Variants in ASIC2 observed in about 807,000 individuals in gnomAD.
ASIC2 encodes the protein acid sensing ion channel subunit 2.
In ASIC2, 25 loss-of-function variants were observed where a neutral mutation model predicts 57.3. That is an observed-to-expected ratio of 0.44 (90% confidence interval 0.32 to 0.61). The LOEUF is 0.61. Ranked by LOEUF, ASIC2 falls within the 20% of genes least tolerant of loss-of-function variation. ASIC2 has a pLI of 0.06. For synonymous variants in ASIC2, 319 were observed against 307.5 expected (o/e 1.04, Z -0.39); for missense variants, 641 against 738.1 (o/e 0.87, Z 1.52).
rs79967419 is a variant in ASIC2, at chr17:33,805,833, G to A, written c.555+350145C>T. Among the ~76,000 whole-genome samples, 305 of 152,226 alleles carry A rather than the reference G, an allele frequency of 2.0e-3. 2 individuals carry two copies. The highest frequency in any genetic ancestry group is 2.0e-3 in the Non-Finnish European group (134 of 68,014). ...GCCCACCAAAGCCATTTTTCAGAAT[G>A]TTACACACACAACATCCCTTGGAGC... On this transcript the variant is annotated intron_variant, in intron 1 of 9. Transcript: ENST00000359872.
At chr17:33,490,898 G>A (rs1180019232) in intron 1 of ASIC2, among the ~76,000 whole-genome samples, 1 of 152,132 alleles carries the variant, frequency 6.6e-6, no homozygotes, top group Non-Finnish European at 1.5e-5. Context: ...TGTTTGTCTT[G>A]GTCCTATTTT....
intron 1 of ASIC2, among the ~76,000 whole-genome samples, chr17:33,448,731 C>A (rs191021303): frequency 2.0e-3 from 306 of 152,326 alleles, no homozygotes; most frequent in African/African-American, 6.6e-3. Flanking sequence ...TACTATATTT[C>A]TGTTGTTTAA....
rs116187504 is a variant in ASIC2, at chr17:33,442,495, T to C, written c.556-330428A>G. On this transcript the variant is annotated intron_variant, in intron 1 of 9. Coordinates refer to the ASIC2 transcript ENST00000359872. ...TTTGCATGTCTTTTGTTAAATTTAT[T>C]CTTAAGTATTTTACTCTTTTTGATG... 2.8e-3 allele frequency among the ~76,000 whole-genome samples: 422 copies of C among 152,334 alleles called. 1 individual carries two copies. Among genetic ancestry groups the C allele is most frequent in the African/African-American group, 9.7e-3 (405 of 41,588 alleles).
chr17:33,744,711 G>T (rs1310684425), intron 1 of ASIC2, among the ~76,000 whole-genome samples: 1 of 152,164 alleles, frequency 6.6e-6, no homozygotes, highest in African/African-American at 2.4e-5. Context: ...CAACAAAACT[G>T]CCTGTGAAGG....
At chr17:33,113,638 CTTTACGGCTAG>C (rs1332175158) in intron 1 of ASIC2, among the ~76,000 whole-genome samples, 1 of 152,206 alleles carries the variant, frequency 6.6e-6, no homozygotes, top group Non-Finnish European at 1.5e-5. Context: ...TTATGTAAAT[CTTTACGGCTAG>C]TTAGAAGAAA....
intron 1 of ASIC2, among the ~76,000 whole-genome samples, chr17:33,568,962 G>A: frequency 6.6e-6 from 1 of 152,290 alleles, no homozygotes; most frequent in Middle Eastern, 3.4e-3. Context: ...TCATTTCATA[G>A]AATTTATTTC....
At chr17:33,360,173 C>A (rs1223882093) in intron 1 of ASIC2, among the ~76,000 whole-genome samples, 1 of 152,146 alleles carries the variant, frequency 6.6e-6, no homozygotes, top group Non-Finnish European at 1.5e-5. Flanking sequence ...ATATAGCCAG[C>A]ACTTCAAACT....
At chr17:33,878,063 AAAACTAAC>A (rs1914598700) in intron 1 of ASIC2, among the ~76,000 whole-genome samples, 1 of 152,352 alleles carries the variant, frequency 6.6e-6, no homozygotes, top group East Asian at 1.9e-4. Flanking sequence ...TGTTAGAAGG[AAAACTAAC>A]AAACAGAAAG....
intron 1 of ASIC2, among the ~76,000 whole-genome samples, chr17:33,324,755 C>G (rs535556194): frequency 3.2e-4 from 48 of 152,300 alleles, no homozygotes; most frequent in African/African-American, 1.1e-3. Flanking sequence ...GCATCTTTGA[C>G]AGCACAAAGA....
intron 1 of ASIC2, among the ~76,000 whole-genome samples, chr17:33,140,514 G>C (rs1246341396): frequency 6.6e-6 from 1 of 152,218 alleles, no homozygotes; most frequent in Non-Finnish European, 1.5e-5. Context: ...TCTCAAGGCT[G>C]TGGTTAGCAT....
intron 1 of ASIC2, among the ~76,000 whole-genome samples, chr17:33,173,152 T>C (rs1905592665): frequency 6.6e-6 from 1 of 152,070 alleles, no homozygotes; most frequent in Non-Finnish European, 1.5e-5. Flanking sequence ...CCCATACTGC[T>C]CTATAGAAGA....
chr17:33,562,948 A>G lies in ASIC2; in HGVS notation c.556-450881T>C, dbSNP rs143995935. Reference sequence around the variant, plus strand: ...CTTAGTATTTAGGCAACTTCCCTGCATACCACAGCCAGTTGCAGCTGCTCC... The same window carrying G: ...CTTAGTATTTAGGCAACTTCCCTGCGTACCACAGCCAGTTGCAGCTGCTCC... On this transcript the variant is annotated intron_variant, in intron 1 of 9. Transcript: ENST00000359872. Among the ~76,000 whole-genome samples the G allele has an allele frequency of 7.7e-3, 1,178 of 152,316 alleles. 13 individuals carry two copies. Among genetic ancestry groups the G allele is most frequent in the South Asian group, 0.035 (169 of 4,824 alleles).
chr17:33,442,237 A>G (rs747064239), intron 1 of ASIC2, among the ~76,000 whole-genome samples: 33 of 152,206 alleles, frequency 2.2e-4, no homozygotes, highest in Non-Finnish European at 3.7e-4. Context: ...TTCCTCTGTT[A>G]CAGAATAGTT....
At chr17:33,882,807 C>T (rs1914736495) in intron 1 of ASIC2, among the ~76,000 whole-genome samples, 1 of 152,192 alleles carries the variant, frequency 6.6e-6, no homozygotes, top group East Asian at 1.9e-4. Context: ...GACACATGCA[C>T]ACGTATGTTT....
chr17:33,854,367 C>T (rs574678183), intron 1 of ASIC2, among the ~76,000 whole-genome samples: 10 of 152,276 alleles, frequency 6.6e-5, no homozygotes, highest in East Asian at 3.9e-4. Context: ...GTTGGATGTG[C>T]GTGTGATTTC....
chr17:33,728,184 C>A (rs189618442), intron 1 of ASIC2, among the ~76,000 whole-genome samples: 42 of 152,258 alleles, frequency 2.8e-4, no homozygotes, highest in African/African-American at 9.4e-4. Context: ...ACTGGAGACA[C>A]CAAAAGAAGA....
intron 1 of ASIC2, among the ~76,000 whole-genome samples, chr17:33,410,575 CA>C (rs1910623670): frequency 6.6e-6 from 1 of 152,208 alleles, no homozygotes; most frequent in African/African-American, 2.4e-5. Context: ...TCCAGCCTCC[CA>C]GCCCATCCCA....
intron 1 of ASIC2, among the ~76,000 whole-genome samples, chr17:33,381,168 C>A (rs1019450235): frequency 6.6e-6 from 1 of 152,216 alleles, no homozygotes; most frequent in African/African-American, 2.4e-5. Context: ...CCATCTCCAG[C>A]AGACATTAAT....
chr17:33,520,695 A>G (rs1266611386), intron 1 of ASIC2, among the ~76,000 whole-genome samples: 2 of 152,254 alleles, frequency 1.3e-5, no homozygotes, highest in African/African-American at 4.8e-5. Flanking sequence ...AGGGTGGAGG[A>G]GCAAGTGAGC....
Sources: allele counts gnomAD v4.1 joint callset (sites outside exome capture counted in the v4.1 genomes callset), GRCh38; gene constraint gnomAD v4.1.1; transcripts MANE v1.5; gene names NCBI Gene and HGNC (gene_info 2026-07-23, HGNC 2026-07-21).